Variants in CYP4F12 observed in about 807,000 individuals in gnomAD.
CYP4F12 encodes the protein cytochrome P450 family 4 subfamily F member 12.
In CYP4F12, 60 loss-of-function variants were observed where a neutral mutation model predicts 56.5. That is an observed-to-expected ratio of 1.06 (90% CI 0.86 to 1.32). The LOEUF (loss-of-function observed/expected upper bound fraction) is 1.32. CYP4F12 is among the 40% of genes most tolerant of loss of function. CYP4F12 has a pLI of 0.00. For missense variants in CYP4F12, 711 were observed against 683.5 expected, an observed-to-expected ratio of 1.04 and a Z score of -0.45; for synonymous variants, 263 against 264.9, an observed-to-expected ratio of 0.99 and a Z score of 0.07.
intron 9 of CYP4F12, among the ~76,000 whole-genome samples, chr19:15,692,881 C>G (rs1181962383): frequency 6.6e-6 from 1 of 151,472 alleles, no homozygotes; most frequent in African/African-American, 2.4e-5. Flanking sequence ...CAAGACCAGC[C>G]TTGCCAAATT....
At chr19:15,675,695 C>G (rs1388834169) in intron 2 of CYP4F12, among the ~76,000 whole-genome samples, 1 of 152,144 alleles carries the variant, frequency 6.6e-6, no homozygotes. Context: ...AGAGAAGGAG[C>G]AGAAGTCAGC....
At chr19:15,673,329 G>A in intron 1 of CYP4F12, 194 bp downstream of exon 1, 3 of 599,072 alleles carry the variant, frequency 5.0e-6, no homozygotes, top group Non-Finnish European at 9.0e-6. Flanking sequence ...CCCTTTCTGT[G>A]TGGTTACCAG....
rs77212948 is a variant in CYP4F12, at chr19:15,684,604, G to A, written c.919-212G>A. On this transcript the variant is annotated intron_variant, in intron 7 of 12. Coordinates refer to ENST00000550308, the MANE Select transcript of CYP4F12 (RefSeq NM_023944.4). ...TCCTGTCACCAGGGTCCAAAGAGGAGGCAAAGGATCTGGGGGAAGCCCTTG... is the reference window on the plus strand; with the variant it reads ...TCCTGTCACCAGGGTCCAAAGAGGAAGCAAAGGATCTGGGGGAAGCCCTTG... The A allele has an allele frequency of 4.2e-3, 2,047 of 490,070 alleles. 33 individuals are homozygous for A. The highest frequency in any genetic ancestry group is 0.036 in the African/African-American group (1,832 of 50,768). 30.4% of individuals were successfully genotyped at this position (490,070 alleles called of 1,614,324 possible).
intron 9 of CYP4F12, among the ~76,000 whole-genome samples, chr19:15,688,360 A>G (rs547019304): frequency 2.1e-4 from 22 of 105,478 alleles, no homozygotes; most frequent in Admixed American, 1.9e-3. Context: ...AAACAAAAAA[A>G]CAGTTGCAAA....
intron 2 of CYP4F12, among the ~76,000 whole-genome samples, chr19:15,677,080 C>CTCATTCCTCTCCTCACTCAT (rs2006983162): frequency 7.0e-6 from 1 of 142,156 alleles, no homozygotes; most frequent in Non-Finnish European, 1.6e-5. Flanking sequence ...TCCTCACTCA[C>CTCATTCCTCTCCTCACTCAT]TCATTCCTCT....
intron 9 of CYP4F12, among the ~76,000 whole-genome samples, chr19:15,694,165 G>C (rs549805696): frequency 5.3e-5 from 8 of 150,972 alleles, no homozygotes; most frequent in Non-Finnish European, 1.2e-4. Flanking sequence ...TTGACTTGGC[G>C]ATGCGGGCTC....
chr19:15,673,799 A>G lies in CYP4F12; in HGVS notation c.198+72A>G, dbSNP rs1028283963. ...TTCCAGAGGAGCAGGAATGGGGCTC[A>G]GTGAGCTAGGTATTGATGGTGGCTG... On this transcript the variant is annotated intron_variant, in intron 2 of 12. Coordinates refer to ENST00000550308, the MANE Select transcript of CYP4F12 (RefSeq NM_023944.4). The G allele has an allele frequency of 1.0e-4, 157 of 1,562,878 alleles. 4 individuals carry two copies. In the South Asian group the frequency reaches 1.2e-3, roughly 12 times the overall value.
At chr19:15,691,689 T>A (rs2007875001) in intron 9 of CYP4F12, among the ~76,000 whole-genome samples, 1 of 138,798 alleles carries the variant, frequency 7.2e-6, no homozygotes, top group Non-Finnish European at 1.5e-5. Flanking sequence ...TGTATCACAA[T>A]TAATGTTTTT....
At chr19:15,674,638 C>T (rs1464615776) in intron 2 of CYP4F12, among the ~76,000 whole-genome samples, 15 of 24,628 alleles carry the variant, frequency 6.1e-4, no homozygotes, top group African/African-American at 2.0e-3. Context: ...TATCCACTCA[C>T]TTTTTGCTCT....
chr19:15,676,969 G>T (rs979989172), intron 2 of CYP4F12, among the ~76,000 whole-genome samples: 10 of 10,996 alleles, frequency 9.1e-4, no homozygotes, highest in African/African-American at 2.5e-3. Context: ...ACTCATTCCT[G>T]TGCCCATTCA....
intron 5 of CYP4F12, 41 bp downstream of exon 5, chr19:15,680,560 G>T (rs371223441): frequency 1.2e-6 from 2 of 1,613,744 alleles, no homozygotes; most frequent in African/African-American, 1.3e-5. Flanking sequence ...GAGTCTTGGG[G>T]TGGAGGGACC....
intron 9 of CYP4F12, among the ~76,000 whole-genome samples, chr19:15,694,010 A>G (rs143715410): frequency 0.28 from 41,719 of 150,090 alleles, 6,278 homozygotes; most frequent in African/African-American, 0.39. Context: ...GACATGTGGC[A>G]TTAACTCTGA....
chr19:15,679,404 T>C (rs1414917224), intron 3 of CYP4F12, among the ~76,000 whole-genome samples: 4 of 152,258 alleles, frequency 2.6e-5, no homozygotes, highest in Admixed American at 6.5e-5. Context: ...CGTTCTCTTA[T>C]CTGTCAACCA....
At position 15,697,098 on chromosome 19, in the gene CYP4F12, T is replaced by G; in HGVS notation, c.*13T>G. ...AAGCTTGCAGTGACTTTCTGACCCA[T>G]CCACCTGTTTTTTTGCAGATTGTCA... On this transcript the variant is annotated 3_prime_UTR_variant, in exon 13 of 13. Transcript: ENST00000550308. 1 of 1,603,364 alleles carries G rather than the reference T, an allele frequency of 6.2e-7. No individual in the cohort carries two copies. Among genetic ancestry groups the G allele is most frequent in the South Asian group, 1.1e-5 (1 of 90,714 alleles).
At chr19:15,676,575 A>T (rs1599944695) in intron 2 of CYP4F12, among the ~76,000 whole-genome samples, 1 of 16,402 alleles carries the variant, frequency 6.1e-5, no homozygotes. Flanking sequence ...TCCTCTACCC[A>T]CACTCATTCC....
intron 9 of CYP4F12, among the ~76,000 whole-genome samples, chr19:15,693,188 C>T (rs7248848): frequency 0.017 from 2,524 of 152,052 alleles, 2 homozygotes; most frequent in African/African-American, 0.059. Context: ...AAAATAATAA[C>T]CTGGCAACGT....
At chr19:15,685,006 T>C in intron 8 of CYP4F12, 62 bp from the exon 9 acceptor site, 1 of 1,590,756 alleles carries the variant, frequency 6.3e-7, no homozygotes. Flanking sequence ...CCTGAGGGCC[T>C]CAATATCTGG....
At chr19:15,674,916 G>A (rs2006844468) in intron 2 of CYP4F12, among the ~76,000 whole-genome samples, 2 of 152,168 alleles carry the variant, frequency 1.3e-5, no homozygotes, top group Admixed American at 1.3e-4. Context: ...TCCACTGCTG[G>A]ACTTGAAGCC....
At chr19:15,685,882 T>G (rs1477730183) in intron 9 of CYP4F12, among the ~76,000 whole-genome samples, 1 of 152,226 alleles carries the variant, frequency 6.6e-6, no homozygotes, top group Non-Finnish European at 1.5e-5. Flanking sequence ...AAGGGAGACC[T>G]GGGGGTAAAA....
Sources: gnomAD v4.1 joint callset for allele counts (sites outside exome capture counted in the v4.1 genomes callset) on GRCh38, gnomAD v4.1.1 for gene constraint, MANE v1.5 for transcripts, NCBI Gene and HGNC (gene_info 2026-07-23, HGNC 2026-07-21) for gene names.